Variants in ANKRD11 observed in about 807,000 individuals in gnomAD.
The protein encoded by ANKRD11 is ankyrin repeat domain-containing protein 11.
Under a neutral mutation model 195.7 loss-of-function variants are expected in ANKRD11, and 17 were observed. That is an observed-to-expected ratio of 0.09 (90% CI 0.06 to 0.13). ANKRD11 has a LOEUF of 0.13. Ranked by LOEUF, ANKRD11 falls within the 10% of genes least tolerant of loss-of-function variation. The pLI is 1.00. For synonymous variants in ANKRD11, 1,953 were observed against 1,528.1 expected (o/e 1.28, Z -6.49); for missense variants, 3,735 against 3,566.1 (o/e 1.05, Z -1.21).
intron 2 of ANKRD11, among the ~76,000 whole-genome samples, chr16:89,396,524 C>T (rs2041438311): frequency 1.3e-5 from 2 of 152,140 alleles, no homozygotes; most frequent in African/African-American, 4.8e-5. Context: ...AATATGCTTC[C>T]ATTTTCCCAC....
chr16:89,276,922 G>C (rs994207396), intron 9 of ANKRD11, among the ~76,000 whole-genome samples: 2 of 152,080 alleles, frequency 1.3e-5, no homozygotes, highest in African/African-American at 4.8e-5. Context: ...CGGACGTGGT[G>C]GTGGGCGCCT....
Position 89,434,511 on chromosome 16 carries a change from C to A in ANKRD11, c.-144-16143G>T, listed in dbSNP as rs116336518. On this transcript the variant is annotated intron_variant, in intron 1 of 12. Transcript: ENST00000301030. ...GCACCGCGCAGTCCTGTGCCTCACCCCTGCCCAGGCCACCTGAGCCCCACC... is the reference window on the plus strand; with the variant it reads ...GCACCGCGCAGTCCTGTGCCTCACCACTGCCCAGGCCACCTGAGCCCCACC... 3.3e-3 allele frequency among the ~76,000 whole-genome samples: 505 copies of A among 152,314 alleles called. 1 individual carries two copies. Among genetic ancestry groups the A allele is most frequent in the African/African-American group, 0.012 (482 of 41,564 alleles).
chr16:89,281,141 C>G lies in ANKRD11; in HGVS notation c.5401G>C (p.Glu1801Gln). 1 of 1,613,704 alleles carries G rather than the reference C, an allele frequency of 6.2e-7. No homozygotes were observed. Among genetic ancestry groups the G allele is most frequent in the Non-Finnish European group, 8.5e-7 (1 of 1,179,616 alleles). ...AGCTTGTCTCCGACGCTGAATTCTT[C>G]CTCGGGGGTCCTCCTAATGTCGACA... ...VSVDIRRTPE[E>Q]EFSVGDKLFR... is the part of the protein sequence containing the mutation. Residue 1801 changes from glutamate (E) to glutamine (Q), a missense_variant, in exon 9 of 13, where the codon GAA (glutamate) becomes CAA (glutamine). Glu to Gln is a conservative substitution (Grantham distance 29). Coordinates refer to ENST00000301030, the MANE Select transcript of ANKRD11 (RefSeq NM_013275.6). The surrounding 1 kb of genome is among the most constrained non-coding windows in gnomAD (Gnocchi z 5.5).
intron 2 of ANKRD11, among the ~76,000 whole-genome samples, chr16:89,326,629 C>T (rs1291452873): frequency 1.3e-5 from 2 of 152,158 alleles, no homozygotes; most frequent in Non-Finnish European, 2.9e-5. Flanking sequence ...GTAATCCCAG[C>T]TCCTTGGGAG....
chr16:89,330,657 T>TGGGGGGGGGGGG, intron 2 of ANKRD11, among the ~76,000 whole-genome samples: 1 of 5,082 alleles, frequency 2.0e-4, no homozygotes, highest in East Asian at 0.062. Context: ...GTACAGTGAC[T>TGGGGGGGGGGGG]GGGGGGGGGG....
chr16:89,347,268 G>A (rs923044463), intron 2 of ANKRD11, among the ~76,000 whole-genome samples: 5 of 152,150 alleles, frequency 3.3e-5, no homozygotes, highest in Admixed American at 6.5e-5. Flanking sequence ...CCTGACTGTC[G>A]CACATGTGTG....
At position 89,317,036 on chromosome 16, in the gene ANKRD11, C is replaced by T. The variant is rs375769022; in HGVS notation, c.-17G>A. 6.8e-6 allele frequency: 11 copies of T among 1,610,956 alleles called. No homozygotes were observed. The highest frequency in any genetic ancestry group is 1.7e-5 in the Admixed American group (1 of 59,718). On this transcript the variant is annotated 5_prime_UTR_variant, in exon 3 of 13. Transcript: ENST00000301030. The stretch of plus-strand genomic sequence containing the variant: ...CTTGGGCATCGTCCTGCTCCTCACC[C>T]GATCTTCATTTACACGGCCGGCGCT...
intron 12 of ANKRD11, among the ~76,000 whole-genome samples, chr16:89,269,419 G>A (rs928373749): frequency 5.3e-5 from 8 of 152,080 alleles, no homozygotes; most frequent in Non-Finnish European, 7.4e-5. Flanking sequence ...AATCGTTTTC[G>A]AAGCTCAGGA....
At chr16:89,466,074 T>C (rs1052787688) in intron 1 of ANKRD11, among the ~76,000 whole-genome samples, 4 of 152,018 alleles carry the variant, frequency 2.6e-5, no homozygotes, top group African/African-American at 9.7e-5. Context: ...GGAGATTGTG[T>C]CATAAACTCA....
chr16:89,415,633 G>C (rs1317637915), intron 2 of ANKRD11, among the ~76,000 whole-genome samples: 1 of 151,116 alleles, frequency 6.6e-6, no homozygotes, highest in East Asian at 2.0e-4. Flanking sequence ...TTCAAGACCA[G>C]CCTGGCCAAC....
chr16:89,446,533 G>A (rs1323998277), intron 1 of ANKRD11, among the ~76,000 whole-genome samples: 1 of 152,112 alleles, frequency 6.6e-6, no homozygotes, highest in African/African-American at 2.4e-5. Flanking sequence ...AAGCTCAACA[G>A]GCAGAGGTGG....
rs1199227331 is a variant in ANKRD11, at chr16:89,279,974, G to A, written c.6568C>T (p.Leu2190=). ...CGGGTGGAGGCCTGGTCAGGAGGCA[G>A]TGCCGGCGGCTCCTCAGCCACTACG... ...STVVAEEPPA[L]PPDQASTRLP... is the part of the protein sequence containing the mutation. The change falls in exon 9 of 13, where the codon CTG becomes TTG. Residue 2190 remains leucine, a synonymous_variant. Coordinates refer to ENST00000301030, the MANE Select transcript of ANKRD11 (RefSeq NM_013275.6). This position sits in a 1 kb window ranked among gnomAD's most constrained non-coding sequence, Gnocchi z 5.6. 1.9e-6 allele frequency: 3 copies of A among 1,610,944 alleles called. No individual in the cohort carries two copies. The highest frequency in any genetic ancestry group is 1.7e-5 in the Admixed American group (1 of 60,028).
chr16:89,459,854 G>T (rs999190038), intron 1 of ANKRD11, among the ~76,000 whole-genome samples: 29 of 151,390 alleles, frequency 1.9e-4, no homozygotes, highest in African/African-American at 6.3e-4. Context: ...GATCGCTTGA[G>T]CCCAGGAAGT....
intron 2 of ANKRD11, among the ~76,000 whole-genome samples, chr16:89,318,088 A>T (rs1421405740): frequency 4.6e-5 from 7 of 152,180 alleles, no homozygotes; most frequent in Non-Finnish European, 8.8e-5. Flanking sequence ...GCCTTCCCCG[A>T]GCCCCTGCTT....
At chr16:89,365,519 G>T (rs1319136163) in intron 2 of ANKRD11, among the ~76,000 whole-genome samples, 2 of 152,180 alleles carry the variant, frequency 1.3e-5, no homozygotes, top group African/African-American at 2.4e-5. Flanking sequence ...CTCTGCCCAA[G>T]AAATGGCTCC....
At chr16:89,269,688 C>T (rs2032966247) in intron 12 of ANKRD11, among the ~76,000 whole-genome samples, 2 of 152,126 alleles carry the variant, frequency 1.3e-5, no homozygotes, top group African/African-American at 4.8e-5. Context: ...ACTGCAACCT[C>T]TGTCTCCCGG....
At chr16:89,387,274 G>T (rs2040955806) in intron 2 of ANKRD11, among the ~76,000 whole-genome samples, 1 of 152,038 alleles carries the variant, frequency 6.6e-6, no homozygotes, top group South Asian at 2.1e-4. Flanking sequence ...TGAATGGTGG[G>T]AGTGCCCCTC....
intron 11 of ANKRD11, among the ~76,000 whole-genome samples, chr16:89,274,439 G>T (rs908740608): frequency 1.3e-5 from 2 of 152,206 alleles, no homozygotes; most frequent in African/African-American, 2.4e-5. Flanking sequence ...CAGCCCTGGG[G>T]TGCCTGAGAG....
At chr16:89,488,763 G>A (rs892237830) in intron 1 of ANKRD11, among the ~76,000 whole-genome samples, 1 of 152,170 alleles carries the variant, frequency 6.6e-6, no homozygotes, top group Non-Finnish European at 1.5e-5. Flanking sequence ...CAACAACTGT[G>A]CACACTTTTA....
Sources: gnomAD v4.1 joint callset for allele counts (sites outside exome capture counted in the v4.1 genomes callset) on GRCh38, gnomAD v4.1.1 for gene constraint, Gnocchi (gnomAD v3.1) non-coding constraint, MANE v1.5 for transcripts, NCBI Gene and HGNC (gene_info 2026-07-23, HGNC 2026-07-21) for gene names.